Variants in MCUR1 observed in about 807,000 individuals in gnomAD.
MCUR1 encodes the protein MCU regulator 1.
A neutral mutation model predicts 42.0 loss-of-function variants in MCUR1; 37 were observed. The ratio of observed to expected loss-of-function variants is 0.88; its 90% CI spans 0.68 to 1.16. The LOEUF (loss-of-function observed/expected upper bound fraction) is 1.16. Ranked by LOEUF, MCUR1 falls within the 50% of genes most tolerant of loss-of-function variation. The pLI, the probability that MCUR1 is intolerant of heterozygous loss-of-function variation, is 0.00. For synonymous variants in MCUR1, 229 were observed against 196.2 expected (o/e 1.17, Z -1.40); for missense variants, 469 against 468.4 (o/e 1.00, Z -0.01).
intron 6 of MCUR1, among the ~76,000 whole-genome samples, chr6:13,798,097 T>C (rs1584984771): frequency 2.0e-5 from 3 of 151,662 alleles, no homozygotes; most frequent in Non-Finnish European, 2.9e-5. Context: ...AACATAGAAA[T>C]TTTCTTTTTT....
In MCUR1 at chr6:13,788,844, TG is replaced by T. The variant is rs2113447394; in HGVS notation, c.*1964del. On this transcript the variant is annotated 3_prime_UTR_variant, in exon 9 of 9. Transcript: ENST00000379170. Reference sequence around the variant, plus strand: ...AAAAGTACTTGATTTTCATACTATATGGAGCTCACAATCTTTGGACTACACA... The same window carrying T: ...AAAAGTACTTGATTTTCATACTATATGAGCTCACAATCTTTGGACTACACA... 1 of 152,376 alleles carries T rather than the reference TG, an allele frequency of 6.6e-6. No homozygotes were observed. Among genetic ancestry groups the T allele is most frequent in the African/African-American group, 2.4e-5 (1 of 41,582 alleles). 9.4% of individuals were successfully genotyped at this position (152,376 alleles called of 1,614,324 possible).
At chr6:13,793,431 C>T (rs1561729267) in intron 7 of MCUR1, among the ~76,000 whole-genome samples, 1 of 152,126 alleles carries the variant, frequency 6.6e-6, no homozygotes, top group Non-Finnish European at 1.5e-5. Context: ...ACTAATCAGC[C>T]TTAAAAAGGA....
rs1254509572 is a variant in MCUR1 at position 13,788,556 on chromosome 6, T to C, written c.*2253A>G. The C allele has an allele frequency of 6.6e-6, 1 of 152,210 alleles. No individual in the cohort carries two copies. The highest frequency in any genetic ancestry group is 1.5e-5 in the Non-Finnish European group (1 of 68,038). 9.4% of individuals were successfully genotyped at this position (152,210 alleles called of 1,614,324 possible). ...TATTTAAAAAAAAATTTTATCAGGA[T>C]ACAAGGACACTTCACTGTTTTTAAC... On this transcript the variant is annotated 3_prime_UTR_variant, in exon 9 of 9. Transcript: ENST00000379170.
chr6:13,807,006 T>C lies in MCUR1; in HGVS notation c.454A>G (p.Lys152Glu), dbSNP rs1190382865. Residue 152 changes from lysine to glutamate, a missense_variant, in exon 2 of 9, where the codon AAA (lysine) becomes GAA (glutamate). Transcript: ENST00000379170. ...LSAGSLQLERKRRDFTSSGSR... is the reference protein window; with the variant it reads ...LSAGSLQLERERRDFTSSGSR... ...CCAGAAGAGGTGAAATCTCTCCTTTTGCGCTCCAGCTGCAGGGATCCAGCA... is the reference window on the plus strand; with the variant it reads ...CCAGAAGAGGTGAAATCTCTCCTTTCGCGCTCCAGCTGCAGGGATCCAGCA... 4 of 1,613,470 alleles carry C rather than the reference T, an allele frequency of 2.5e-6. No individual in the cohort carries two copies. The highest frequency in any genetic ancestry group is 3.3e-5 in the Admixed American group (2 of 59,958).
At position 13,789,978 on chromosome 6, in the gene MCUR1, G is replaced by A. The variant is rs1230130664; in HGVS notation, c.*831C>T. 2 of 152,188 alleles carry A rather than the reference G, an allele frequency of 1.3e-5. No individual in the cohort carries two copies. Among genetic ancestry groups the A allele is most frequent in the Admixed American group, 6.5e-5 (1 of 15,278 alleles). 9.4% of individuals were successfully genotyped at this position (152,188 alleles called of 1,614,324 possible). ...CAAGACAATGGAAATCAAAAGAAAAGAAGGTAGACGTGCAGCTGTCTTATT... is the reference window on the plus strand; with the variant it reads ...CAAGACAATGGAAATCAAAAGAAAAAAAGGTAGACGTGCAGCTGTCTTATT... On this transcript the variant is annotated 3_prime_UTR_variant, in exon 9 of 9. Transcript: ENST00000379170.
intron 1 of MCUR1, among the ~76,000 whole-genome samples, chr6:13,812,720 C>T (rs181138572): frequency 1.3e-5 from 2 of 152,268 alleles, no homozygotes; most frequent in Admixed American, 1.3e-4. Context: ...ATATGGTCAA[C>T]ATTTAGTGGG....
At chr6:13,802,393 G>A in intron 2 of MCUR1, 47 bp from the exon 3 acceptor site, 1 of 1,462,652 alleles carries the variant, frequency 6.8e-7, no homozygotes, top group East Asian at 2.3e-5. Context: ...AGTTACAAAA[G>A]CCCACAGCAA....
At chr6:13,801,018 TATG>T (rs760719652) in intron 4 of MCUR1, among the ~76,000 whole-genome samples, 20 of 152,322 alleles carry the variant, frequency 1.3e-4, no homozygotes, top group Non-Finnish European at 2.2e-4. Flanking sequence ...AGACACACAG[TATG>T]ATACCATCAA....
rs372516479 is a variant in MCUR1, at chr6:13,787,643, G to C, written c.*3166C>G. ...CAGGAGAGGGAAATACAGACGTTCCGTCCATGTGAGATTCTGCTTCAGGTA... is the reference window on the plus strand; with the variant it reads ...CAGGAGAGGGAAATACAGACGTTCCCTCCATGTGAGATTCTGCTTCAGGTA... On this transcript the variant is annotated 3_prime_UTR_variant, in exon 9 of 9. Coordinates refer to ENST00000379170, the MANE Select transcript of MCUR1 (RefSeq NM_001031713.4). The C allele has an allele frequency of 6.6e-6, 1 of 152,150 alleles. No homozygotes were observed. Among genetic ancestry groups the C allele is most frequent in the African/African-American group, 2.4e-5 (1 of 41,420 alleles). The allele number at this position is 152,150 out of a possible 1,614,324, so 9.4% of individuals were successfully genotyped here.
intron 7 of MCUR1, among the ~76,000 whole-genome samples, chr6:13,792,669 C>T (rs1759756995): frequency 6.6e-6 from 1 of 152,114 alleles, no homozygotes. Flanking sequence ...GGTTGTAGAA[C>T]TGCATTAAAG....
intron 5 of MCUR1, among the ~76,000 whole-genome samples, chr6:13,799,976 C>G (rs1173896790): frequency 6.6e-6 from 1 of 151,936 alleles, no homozygotes; most frequent in African/African-American, 2.4e-5. Flanking sequence ...GGATTACAGG[C>G]ACCTGCCACC....
intron 7 of MCUR1, among the ~76,000 whole-genome samples, chr6:13,792,857 G>A (rs1280111519): frequency 6.6e-6 from 1 of 152,118 alleles, no homozygotes; most frequent in Non-Finnish European, 1.5e-5. Flanking sequence ...GGTTTCAGAG[G>A]TCCCAGGTTC....
At chr6:13,798,765 A>G in intron 6 of MCUR1, 68 bp downstream of exon 6, 6 of 1,191,104 alleles carry the variant, frequency 5.0e-6, no homozygotes, top group Admixed American at 1.9e-5. Flanking sequence ...ACATAAACTT[A>G]GGCTTAACCA....
At position 13,806,914 on chromosome 6, in the gene MCUR1, CAG is replaced by C. The variant is rs1760122537; in HGVS notation, c.535+9_535+10del. On this transcript the variant is annotated intron_variant, in intron 2 of 8. Transcript: ENST00000379170. ...TTCTAAGGCACTAAATGACGAATGACAGAGGATTACCATTGTCTTCCAGTAAG... is the reference window on the plus strand; with the variant it reads ...TTCTAAGGCACTAAATGACGAATGACAGGATTACCATTGTCTTCCAGTAAG... 1 of 1,579,656 alleles carries C rather than the reference CAG, an allele frequency of 6.3e-7. No individual in the cohort carries two copies. Among genetic ancestry groups the C allele is most frequent in the African/African-American group, 1.4e-5 (1 of 73,842 alleles).
At chr6:13,798,798 T>A in intron 6 of MCUR1, 35 bp downstream of exon 6, 1 of 1,536,576 alleles carries the variant, frequency 6.5e-7, no homozygotes, top group Non-Finnish European at 9.0e-7. Context: ...CAAAAATAAA[T>A]TAATTCATAA....
chr6:13,792,090 C>T (rs1349237771), intron 7 of MCUR1, 98 bp from the exon 8 acceptor site: 1 of 871,384 alleles, frequency 1.1e-6, no homozygotes, highest in Non-Finnish European at 1.8e-6. Flanking sequence ...CACAGGGAAA[C>T]CTGGGTAAGA....
Position 13,801,374 on chromosome 6 carries a change from G to A in MCUR1, c.655C>T (p.Gln219Ter), listed in dbSNP as rs768355916. The change falls in exon 4 of 9, where the codon CAA becomes TAA. Residue 219 changes from glutamine (Q) to a stop codon, truncating the protein, a stop_gained. Coordinates refer to ENST00000379170, the MANE Select transcript of MCUR1 (RefSeq NM_001031713.4). LOFTEE classifies it high-confidence loss of function. Reference protein sequence around the residue: ...TKMQQEITFQQVMSQIANVKK... With the variant: ...TKMQQEITFQ ...ACATTCGCAATCTGAGACATTACTT[G>A]CTGAAAAGTGATTTCCTAGGAAAAG... The A allele has an allele frequency of 6.2e-7, 1 of 1,609,962 alleles. No homozygotes were observed. The highest frequency in any genetic ancestry group is 8.5e-7 in the Non-Finnish European group (1 of 1,178,638).
intron 6 of MCUR1, among the ~76,000 whole-genome samples, chr6:13,798,312 G>A (rs1002878164): frequency 1.3e-5 from 2 of 151,974 alleles, no homozygotes; most frequent in African/African-American, 2.4e-5. Flanking sequence ...GGGCAGGCAC[G>A]CTGCCTCGAA....
At chr6:13,808,565 A>G (rs1353915007) in intron 1 of MCUR1, among the ~76,000 whole-genome samples, 1 of 151,736 alleles carries the variant, frequency 6.6e-6, no homozygotes, top group Non-Finnish European at 1.5e-5. Flanking sequence ...TGTGCTTTTG[A>G]TAACATACCT....
Sources: gnomAD v4.1 joint callset for allele counts (sites outside exome capture counted in the v4.1 genomes callset) on GRCh38, gnomAD v4.1.1 for gene constraint, MANE v1.5 for transcripts, NCBI Gene and HGNC (gene_info 2026-07-23, HGNC 2026-07-21) for gene names.